NPTX2: variants seen among roughly 807,000 people sequenced by gnomAD.
The protein encoded by NPTX2 is neuronal pentraxin 2, also known as neuronal pentraxin-2.
NPTX2 carries 23 observed loss-of-function variants against 38.1 expected under a neutral mutation model. That is an observed-to-expected ratio of 0.60 (90% CI 0.43 to 0.85). The LOEUF (loss-of-function observed/expected upper bound fraction) is 0.85, where lower values mean the gene tolerates loss of function less well. NPTX2 is among the 40% of genes least tolerant of loss of function. NPTX2 has a pLI of 0.00. For synonymous variants in NPTX2, 291 were observed against 287.3 expected (o/e 1.01, Z -0.13); for missense variants, 553 against 615.3 (o/e 0.90, Z 1.07).
At position 98,617,440 on chromosome 7, in the gene NPTX2, T is replaced by G; in HGVS notation, c.-22T>G. On this transcript the variant is annotated 5_prime_UTR_variant, in exon 1 of 5. The change abolishes the stop of an existing upstream ORF in the 5' untranslated region. Coordinates refer to ENST00000265634, the MANE Select transcript of NPTX2 (RefSeq NM_002523.3). ...CGGCGCCCGCTCGCCCATGCCGAGC[T>G]GAGCGCGGCAGCGGCGGCGGGATGC... 1.1e-6 allele frequency: 1 copy of G among 914,610 alleles called. No homozygotes were observed. Among genetic ancestry groups the G allele is most frequent in the Non-Finnish European group, 1.4e-6 (1 of 708,746 alleles). 56.7% of individuals were successfully genotyped at this position (914,610 alleles called of 1,614,324 possible). A position where few individuals can be genotyped will look rare whatever the true frequency, so the allele number is the denominator to read the frequency against.
At chr7:98,623,189 GT>G (rs1326886494) in intron 2 of NPTX2, among the ~76,000 whole-genome samples, 1 of 152,172 alleles carries the variant, frequency 6.6e-6, no homozygotes, top group African/African-American at 2.4e-5. Context: ...ACCGACACTT[GT>G]TGAATGAGTG....
intron 3 of NPTX2, among the ~76,000 whole-genome samples, chr7:98,625,463 G>A (rs1283935076): frequency 6.6e-6 from 1 of 152,182 alleles, no homozygotes; most frequent in African/African-American, 2.4e-5. Context: ...GATTGAGAGA[G>A]GACCTCAGGC....
intron 2 of NPTX2, among the ~76,000 whole-genome samples, chr7:98,622,289 C>G (rs968746239): frequency 8.5e-5 from 13 of 152,198 alleles, no homozygotes; most frequent in Non-Finnish European, 1.5e-4. Context: ...AAATAAAAGA[C>G]ACTGGCTCTC....
At chr7:98,620,276 T>C (rs1791251844) in intron 2 of NPTX2, 1 of 209,612 alleles carries the variant, frequency 4.8e-6, no homozygotes, top group Non-Finnish European at 9.8e-6. Context: ...GGGTTTGAAG[T>C]TGTAGGTTTG....
chr7:98,624,382 T>C (rs1041876044), intron 2 of NPTX2, among the ~76,000 whole-genome samples: 2 of 152,190 alleles, frequency 1.3e-5, no homozygotes, highest in Non-Finnish European at 2.9e-5. Flanking sequence ...TGTGAGCCAC[T>C]GCACCCATCC....
chr7:98,628,686 G>C lies in NPTX2; in HGVS notation c.*57G>C. 1.3e-6 allele frequency: 1 copy of C among 753,192 alleles called. No individual in the cohort carries two copies. Among genetic ancestry groups the C allele is most frequent in the Non-Finnish European group, 2.2e-6 (1 of 460,246 alleles). 46.7% of individuals were successfully genotyped at this position (753,192 alleles called of 1,614,324 possible). On this transcript the variant is annotated 3_prime_UTR_variant, in exon 5 of 5. Coordinates refer to ENST00000265634, the MANE Select transcript of NPTX2 (RefSeq NM_002523.3). ...CAGGCTGTTGCCATGGAAGTTCAGG[G>C]CCATAGACTGCCCCACTTAAACTCT...
Position 98,625,088 on chromosome 7 carries a change from T to C in NPTX2, c.810T>C (p.Tyr270=), listed in dbSNP as rs1260499343. ...CAGGCATTGGCACCCCCTTCTCCTA[T>C]GCGGTGCCAGGGCAGGCCAACGAGA... ...ASPGIGTPFS[Y]AVPGQANEIV... The change falls in exon 3 of 5, where the codon TAT becomes TAC. Residue 270 remains tyrosine, a synonymous_variant. Transcript: ENST00000265634. 10 of 1,612,910 alleles carry C rather than the reference T, an allele frequency of 6.2e-6. No homozygotes were observed. Among genetic ancestry groups the C allele is most frequent in the Admixed American group, 1.7e-5 (1 of 60,008 alleles).
At chr7:98,618,881 A>G (rs1361276206) in intron 1 of NPTX2, among the ~76,000 whole-genome samples, 1 of 151,970 alleles carries the variant, frequency 6.6e-6, no homozygotes, top group Non-Finnish European at 1.5e-5. Flanking sequence ...ATTCATTGTG[A>G]TTGCTAACAG....
At chr7:98,619,939 G>A (rs1379232178) in intron 2 of NPTX2, 80 bp downstream of exon 2, 5 of 1,256,126 alleles carry the variant, frequency 4.0e-6, no homozygotes, top group Non-Finnish European at 5.7e-6. Context: ...TCTGGTTGAT[G>A]GACAGCAGGG....
In NPTX2 at chr7:98,628,673, A is replaced by T; in HGVS notation, c.*44A>T. On this transcript the variant is annotated 3_prime_UTR_variant, in exon 5 of 5. Coordinates refer to ENST00000265634, the MANE Select transcript of NPTX2 (RefSeq NM_002523.3). ...AGGAGGCCGGGATCAGGCTGTTGCC[A>T]TGGAAGTTCAGGGCCATAGACTGCC... 2.1e-6 allele frequency: 2 copies of T among 967,082 alleles called. No individual in the cohort carries two copies. Among genetic ancestry groups the T allele is most frequent in the African/African-American group, 3.3e-5 (2 of 61,176 alleles). 59.9% of individuals were successfully genotyped at this position (967,082 alleles called of 1,614,324 possible). A position where few individuals can be genotyped will look rare whatever the true frequency, so the allele number is the denominator to read the frequency against.
intron 1 of NPTX2, among the ~76,000 whole-genome samples, chr7:98,618,773 G>T (rs906728590): frequency 6.6e-6 from 1 of 151,884 alleles, no homozygotes; most frequent in Non-Finnish European, 1.5e-5. Flanking sequence ...AGCAAAACTA[G>T]GTTTAAATTA....
chr7:98,628,688 C>A lies in NPTX2; in HGVS notation c.*59C>A. 2.7e-6 allele frequency: 2 copies of A among 753,358 alleles called. No individual in the cohort carries two copies. Among genetic ancestry groups the A allele is most frequent in the Non-Finnish European group, 4.3e-6 (2 of 460,388 alleles). 46.7% of individuals were successfully genotyped at this position (753,358 alleles called of 1,614,324 possible). A position where few individuals can be genotyped will look rare whatever the true frequency, so the allele number is the denominator to read the frequency against. ...GGCTGTTGCCATGGAAGTTCAGGGC[C>A]ATAGACTGCCCCACTTAAACTCTTG... On this transcript the variant is annotated 3_prime_UTR_variant, in exon 5 of 5. Transcript: ENST00000265634.
Position 98,625,151 on chromosome 7 carries a change from G to A in NPTX2, c.873G>A (p.Leu291=), listed in dbSNP as rs755712815. The A allele has an allele frequency of 2.5e-6, 4 of 1,593,950 alleles. No homozygotes were observed. The highest frequency in any genetic ancestry group is 1.1e-5 in the South Asian group (1 of 90,250). The change falls in exon 3 of 5, where the codon CTG becomes CTA. Residue 291 remains leucine, a synonymous_variant. Coordinates refer to ENST00000265634, the MANE Select transcript of NPTX2 (RefSeq NM_002523.3). The stretch of plus-strand genomic sequence containing the variant: ...AGTGGGGCAACAACCCCATCGAGCT[G>A]CTCATCAACGACAAGGTGAGGCCCG... ...LIEWGNNPIE[L]LINDKVAQLP...
chr7:98,628,336 T>C, intron 4 of NPTX2, 66 bp from the exon 5 acceptor site: 1 of 734,186 alleles, frequency 1.4e-6, no homozygotes, highest in East Asian at 2.7e-5. Context: ...ATCTCCTGTC[T>C]GCAGCCCGTG....
At chr7:98,617,979 G>A in intron 1 of NPTX2, 92 bp downstream of exon 1, 2 of 1,324,916 alleles carry the variant, frequency 1.5e-6, no homozygotes, top group South Asian at 1.4e-5. Flanking sequence ...AGGGGGCCTG[G>A]CCCTGGGGAG....
In NPTX2 at chr7:98,629,585, T is replaced by C. The variant is rs1389897409; in HGVS notation, c.*956T>C. On this transcript the variant is annotated 3_prime_UTR_variant, in exon 5 of 5. Coordinates refer to ENST00000265634, the MANE Select transcript of NPTX2 (RefSeq NM_002523.3). ...GGACTGTCTTCATCAAGTATTTCCC[T>C]ACAGAACTCCTCAAGAAAACAGAGA... is the stretch of plus-strand genomic sequence containing the variant. The C allele has an allele frequency of 6.6e-6, 1 of 152,572 alleles. No individual in the cohort carries two copies. The highest frequency in any genetic ancestry group is 1.5e-5 in the Non-Finnish European group (1 of 68,016). 9.5% of individuals were successfully genotyped at this position (152,572 alleles called of 1,614,324 possible).
rs900873660 is a variant in NPTX2 at position 98,617,822 on chromosome 7, G to T, written c.361G>T (p.Gly121Cys). 2 of 1,540,284 alleles carry T rather than the reference G, an allele frequency of 1.3e-6. No homozygotes were observed. The highest frequency in any genetic ancestry group is 1.7e-6 in the Non-Finnish European group (2 of 1,152,102). Reference protein sequence around the residue: ...DTMGDLPRDPGHVVEQLSRSL... With the variant: ...DTMGDLPRDPCHVVEQLSRSL... ...TATGGGCGACCTGCCGCGGGACCCC[G>T]GCCACGTCGTGGAGCAGCTCAGCCG... Residue 121 changes from glycine (G) to cysteine (C), a missense_variant, in exon 1 of 5, where the codon GGC (glycine) becomes TGC (cysteine). Coordinates refer to ENST00000265634, the MANE Select transcript of NPTX2 (RefSeq NM_002523.3).
chr7:98,625,046 G>C lies in NPTX2; in HGVS notation c.768G>C (p.Leu256=). Residue 256 remains leucine (L), a synonymous_variant, in exon 3 of 5, where the codon CTG becomes CTC. Coordinates refer to ENST00000265634, the MANE Select transcript of NPTX2 (RefSeq NM_002523.3). ...ELYAFTICLW[L]RSSASPGIGT... ...ACGCCTTCACCATCTGCCTGTGGCT[G>C]CGGTCCAGCGCCTCACCAGGCATTG... 6.2e-7 allele frequency: 1 copy of C among 1,613,618 alleles called. No homozygotes were observed.
intron 4 of NPTX2, among the ~76,000 whole-genome samples, chr7:98,627,908 C>T (rs992929935): frequency 6.6e-6 from 1 of 152,236 alleles, no homozygotes; most frequent in Non-Finnish European, 1.5e-5. Context: ...AAGGGTGGCA[C>T]CTCAAAGTGC....
Sources: gnomAD v4.1 joint callset for allele counts (sites outside exome capture counted in the v4.1 genomes callset) on GRCh38, gnomAD v4.1.1 for gene constraint, MANE v1.5 for transcripts, NCBI Gene and HGNC (gene_info 2026-07-23, HGNC 2026-07-21) for gene names.